The following MNAT1 variants were observed in gnomAD, a reference collection of about 807,000 sequenced individuals.
MNAT1 encodes MNAT1 component of CDK activating kinase.
MNAT1 carries 43 observed loss-of-function variants against 42.0 expected under a neutral mutation model. The ratio of observed to expected loss-of-function variants is 1.02; its 90% CI spans 0.80 to 1.32. The LOEUF is 1.32. Ranked by LOEUF, MNAT1 falls within the 40% of genes most tolerant of loss-of-function variation. The pLI is 0.00. For missense variants in MNAT1, 306 were observed against 350.4 expected (o/e 0.87, Z 1.01); for synonymous variants, 118 against 120.0 (o/e 0.98, Z 0.11).
chr14:60,876,377 T>G (rs1489571676), intron 6 of MNAT1, among the ~76,000 whole-genome samples: 1 of 152,040 alleles, frequency 6.6e-6, no homozygotes, highest in African/African-American at 2.4e-5. Context: ...GCAAAGCAAA[T>G]GAGGAAATTA....
chr14:60,961,844 T>C (rs1242162248), intron 7 of MNAT1, among the ~76,000 whole-genome samples: 1 of 152,186 alleles, frequency 6.6e-6, no homozygotes, highest in African/African-American at 2.4e-5. Context: ...TATAAAGATA[T>C]GATGAAAATT....
intron 7 of MNAT1, among the ~76,000 whole-genome samples, chr14:60,941,754 C>T (rs2036165296): frequency 6.6e-6 from 1 of 151,038 alleles, no homozygotes; most frequent in Admixed American, 6.6e-5. Context: ...CCTGTAATCC[C>T]AGCACTTTGG....
intron 1 of MNAT1, among the ~76,000 whole-genome samples, chr14:60,773,724 T>G (rs1003630515): frequency 2.0e-5 from 3 of 152,172 alleles, no homozygotes; most frequent in Non-Finnish European, 4.4e-5. Flanking sequence ...TCTCTTATGT[T>G]TGAAGCAGGT....
intron 7 of MNAT1, among the ~76,000 whole-genome samples, chr14:60,936,154 ATC>A (rs1300107435): frequency 2.6e-5 from 4 of 152,156 alleles, no homozygotes; most frequent in Non-Finnish European, 4.4e-5. Context: ...AGGTTCCCTC[ATC>A]TGCACGAAAG....
intron 5 of MNAT1, among the ~76,000 whole-genome samples, chr14:60,817,243 A>G (rs1447919764): frequency 6.6e-6 from 1 of 151,834 alleles, no homozygotes; most frequent in African/African-American, 2.4e-5. Context: ...TTATTATAAA[A>G]TTCTTAATGT....
chr14:60,841,888 G>C (rs1394889014), intron 6 of MNAT1, among the ~76,000 whole-genome samples: 1 of 152,184 alleles, frequency 6.6e-6, no homozygotes, highest in African/African-American at 2.4e-5. Context: ...TTTATTGAGA[G>C]GTCTTTTTAC....
intron 7 of MNAT1, among the ~76,000 whole-genome samples, chr14:60,918,752 A>ATATG (rs2139546548): frequency 6.7e-6 from 1 of 148,450 alleles, no homozygotes; most frequent in Non-Finnish European, 1.5e-5. Flanking sequence ...ATATATATAT[A>ATATG]TATATTTTTG....
intron 5 of MNAT1, among the ~76,000 whole-genome samples, chr14:60,812,988 G>A (rs1384135782): frequency 6.6e-6 from 1 of 152,176 alleles, no homozygotes; most frequent in Non-Finnish European, 1.5e-5. Context: ...TGCCCTTCCT[G>A]GTGGAGAGCA....
intron 7 of MNAT1, among the ~76,000 whole-genome samples, chr14:60,910,845 C>A (rs758037393): frequency 6.6e-5 from 10 of 152,202 alleles, no homozygotes; most frequent in East Asian, 5.8e-4. Flanking sequence ...TCATACAATG[C>A]ATTAGGGAGG....
At chr14:60,847,778 A>T (rs2033717466) in intron 6 of MNAT1, among the ~76,000 whole-genome samples, 1 of 152,156 alleles carries the variant, frequency 6.6e-6, no homozygotes, top group African/African-American at 2.4e-5. Flanking sequence ...GACTTATTAC[A>T]ATTGACTTCA....
chr14:60,858,773 A>G (rs1016309182), intron 6 of MNAT1, among the ~76,000 whole-genome samples: 1 of 152,194 alleles, frequency 6.6e-6, no homozygotes, highest in Admixed American at 6.5e-5. Flanking sequence ...TCCACCAGCA[A>G]AAAGATGCAA....
At chr14:60,868,913 C>T (rs577380169) in intron 6 of MNAT1, among the ~76,000 whole-genome samples, 41 of 151,522 alleles carry the variant, frequency 2.7e-4, no homozygotes, top group South Asian at 2.1e-3. Context: ...CAATTGTTTA[C>T]GCTTAGTAAG....
chr14:60,938,408 A>C (rs9743607), intron 7 of MNAT1, among the ~76,000 whole-genome samples: 139,172 of 151,750 alleles, frequency 0.92, 64,359 homozygotes, highest in Non-Finnish European at 0.99. Context: ...CCCATCAATA[A>C]CTAATTTATT....
chr14:60,834,150 G>GT (rs1447011506), intron 6 of MNAT1, among the ~76,000 whole-genome samples: 3 of 151,992 alleles, frequency 2.0e-5, no homozygotes, highest in Admixed American at 6.6e-5. Context: ...TTTTTGAAGT[G>GT]TTTTTTGTGT....
In MNAT1 at chr14:60,946,514, CTTTTTGTTTTTG is replaced by C. The variant is rs530212803; in HGVS notation, c.810-21703_810-21692del. Among the ~76,000 whole-genome samples the C allele has an allele frequency of 2.3e-4, 35 of 151,988 alleles. No homozygotes were observed. In the East Asian group the frequency reaches 6.8e-3, roughly 29 times the overall value. On this transcript the variant is annotated intron_variant, in intron 7 of 7. Transcript: ENST00000261245. ...TTCATTTGCTTTATGACACTACTTC[CTTTTTGTTTTTG>C]TTTTTGTTTTTTTTTTCTTCCTCTG...
intron 7 of MNAT1, among the ~76,000 whole-genome samples, chr14:60,939,873 C>T (rs2036102489): frequency 6.6e-6 from 1 of 152,114 alleles, no homozygotes; most frequent in Admixed American, 6.5e-5. Flanking sequence ...GTCTAAGTCT[C>T]TTTGTAGGTC....
At chr14:60,909,040 T>C (rs377350562) in intron 7 of MNAT1, among the ~76,000 whole-genome samples, 2 of 152,206 alleles carry the variant, frequency 1.3e-5, no homozygotes, top group Non-Finnish European at 2.9e-5. Flanking sequence ...TGGTATCTCA[T>C]TGTGGTTTTG....
chr14:60,749,405 C>T (rs2029972733), intron 1 of MNAT1, among the ~76,000 whole-genome samples: 1 of 152,054 alleles, frequency 6.6e-6, no homozygotes, highest in Admixed American at 6.6e-5. Flanking sequence ...TTTCTCATTG[C>T]TTTTTTTCTG....
At chr14:60,833,511 C>T (rs1013710323) in intron 6 of MNAT1, among the ~76,000 whole-genome samples, 1 of 152,210 alleles carries the variant, frequency 6.6e-6, no homozygotes, top group African/African-American at 2.4e-5. Context: ...ACCAACCTTG[C>T]ATCCCAGGGA....
Sources: allele counts gnomAD v4.1 joint callset (sites outside exome capture counted in the v4.1 genomes callset), GRCh38; gene constraint gnomAD v4.1.1; transcripts MANE v1.5; gene names NCBI Gene and HGNC (gene_info 2026-07-23, HGNC 2026-07-21).